The following NELL1 variants were observed in gnomAD, a reference collection of about 807,000 sequenced individuals.
NELL1 encodes protein kinase C-binding protein NELL1.
A neutral mutation model predicts 107.4 loss-of-function variants in NELL1; 76 were observed. The ratio of observed to expected loss-of-function variants is 0.71; its 90% confidence interval spans 0.59 to 0.86. The LOEUF is 0.86. Among genes scored for constraint, NELL1 ranks in the 40% least tolerant of loss-of-function variants. The probability of loss-of-function intolerance (pLI) is 0.00; values close to 1 mark genes in which losing one functional copy is unlikely to be tolerated. For missense variants in NELL1, 1,024 were observed against 1,005.5 expected, an observed-to-expected ratio of 1.02 and a Z score of -0.25; for synonymous variants, 353 against 341.2, an observed-to-expected ratio of 1.03 and a Z score of -0.38.
chr11:21,418,455 A>G (rs1399142322), intron 15 of NELL1, among the ~76,000 whole-genome samples: 1 of 152,096 alleles, frequency 6.6e-6, no homozygotes, highest in Non-Finnish European at 1.5e-5. Context: ...GGGATTAATT[A>G]AAATAAATAA....
Position 21,308,780 on chromosome 11 carries a change from T to C in NELL1, c.1550-62073T>C, listed in dbSNP as rs537794009. Among the ~76,000 whole-genome samples, 7 of 152,154 alleles carry C rather than the reference T, an allele frequency of 4.6e-5. No homozygotes were observed. The South Asian group carries it at 1.5e-3, about 32-fold the overall frequency. On this transcript the variant is annotated intron_variant, in intron 14 of 19. Coordinates refer to ENST00000357134, the MANE Select transcript of NELL1 (RefSeq NM_006157.5). Reference sequence around the variant, plus strand: ...GTGATAGGATCATAAGCCACTGACATTATTTCTAATTATACACATAGTAAA... The same window carrying C: ...GTGATAGGATCATAAGCCACTGACACTATTTCTAATTATACACATAGTAAA...
intron 2 of NELL1, among the ~76,000 whole-genome samples, chr11:20,725,523 C>G (rs1855489370): frequency 6.6e-6 from 1 of 152,162 alleles, no homozygotes; most frequent in African/African-American, 2.4e-5. Context: ...AGAGGGTGCT[C>G]TCTGGCTTGA....
chr11:21,422,093 A>G (rs12577335), intron 15 of NELL1, among the ~76,000 whole-genome samples: 1,029 of 90,758 alleles, frequency 0.011, 11 homozygotes, highest in African/African-American at 0.032. Context: ...ACATTTACAC[A>G]TATGTGTGTG....
At chr11:21,039,060 G>A (rs1853163256) in intron 12 of NELL1, among the ~76,000 whole-genome samples, 1 of 152,178 alleles carries the variant, frequency 6.6e-6, no homozygotes, top group Non-Finnish European at 1.5e-5. Flanking sequence ...GATCAAGGGG[G>A]TGATAAGGGG....
chr11:21,206,859 T>G (rs1293829229), intron 13 of NELL1, among the ~76,000 whole-genome samples: 1 of 152,216 alleles, frequency 6.6e-6, no homozygotes, highest in Non-Finnish European at 1.5e-5. Context: ...TTTCCTACCA[T>G]GTTTCATCTT....
chr11:21,001,649 G>C (rs1411795729), intron 12 of NELL1, among the ~76,000 whole-genome samples: 3 of 152,042 alleles, frequency 2.0e-5, no homozygotes, highest in African/African-American at 7.2e-5. Context: ...GAAAAATGAA[G>C]AGGAAAGAAA....
chr11:21,518,647 G>A (rs1016995240), intron 15 of NELL1, among the ~76,000 whole-genome samples: 12 of 152,280 alleles, frequency 7.9e-5, no homozygotes, highest in Middle Eastern at 3.4e-3. Context: ...GAAGTGAAAC[G>A]TAGTCCCTTT....
At chr11:20,757,018 TAGAG>T (rs1033031682) in intron 2 of NELL1, among the ~76,000 whole-genome samples, 14 of 152,152 alleles carry the variant, frequency 9.2e-5, no homozygotes, top group Admixed American at 7.9e-4. Context: ...GTGGTGGTGA[TAGAG>T]ATAGATGTTG....
intron 13 of NELL1, among the ~76,000 whole-genome samples, chr11:21,169,104 T>C (rs1856547827): frequency 6.6e-6 from 1 of 151,874 alleles, no homozygotes; most frequent in Admixed American, 6.6e-5. Flanking sequence ...TCATTCCAAA[T>C]ACTGTAAATT....
intron 13 of NELL1, among the ~76,000 whole-genome samples, chr11:21,187,354 T>C (rs535710930): frequency 6.6e-6 from 1 of 151,934 alleles, no homozygotes; most frequent in East Asian, 1.9e-4. Context: ...GTAATTAGAA[T>C]AGCTGGCTAG....
At chr11:21,043,274 T>A (rs1853280615) in intron 12 of NELL1, among the ~76,000 whole-genome samples, 1 of 152,080 alleles carries the variant, frequency 6.6e-6, no homozygotes, top group Non-Finnish European at 1.5e-5. Flanking sequence ...GTAAAGAGAT[T>A]GAAAAGCTCT....
At chr11:20,991,130 A>G (rs1851963061) in intron 12 of NELL1, among the ~76,000 whole-genome samples, 1 of 152,248 alleles carries the variant, frequency 6.6e-6, no homozygotes, top group Non-Finnish European at 1.5e-5. Flanking sequence ...GCCTAGAGCC[A>G]TGTGCCATCA....
intron 5 of NELL1, among the ~76,000 whole-genome samples, chr11:20,888,938 G>T (rs1021006931): frequency 6.6e-6 from 1 of 152,214 alleles, no homozygotes; most frequent in Non-Finnish European, 1.5e-5. Flanking sequence ...TATCGGAAGA[G>T]TGCAATCCCT....
intron 14 of NELL1, among the ~76,000 whole-genome samples, chr11:21,331,441 G>A (rs188950039): frequency 1.7e-3 from 265 of 152,142 alleles, no homozygotes; most frequent in African/African-American, 5.9e-3. Context: ...GTAAAGCAGT[G>A]TAAAGCCTCT....
chr11:20,811,304 A>G (rs892174963), intron 3 of NELL1, among the ~76,000 whole-genome samples: 2 of 151,990 alleles, frequency 1.3e-5, no homozygotes, highest in Non-Finnish European at 2.9e-5. Context: ...CCATTGTTGC[A>G]TGTCTGTTTT....
chr11:20,910,240 A>G (rs1218491813), intron 5 of NELL1, among the ~76,000 whole-genome samples: 1 of 152,178 alleles, frequency 6.6e-6, no homozygotes, highest in African/African-American at 2.4e-5. Flanking sequence ...AAGGTAGAGT[A>G]GATGTTCACA....
At chr11:21,219,130 G>A (rs572147505) in intron 13 of NELL1, among the ~76,000 whole-genome samples, 4 of 152,034 alleles carry the variant, frequency 2.6e-5, no homozygotes, top group South Asian at 2.1e-4. Context: ...CTCTCCGTCC[G>A]CACTGGCATC....
At chr11:21,285,388 G>C (rs921257460) in intron 14 of NELL1, among the ~76,000 whole-genome samples, 1 of 152,130 alleles carries the variant, frequency 6.6e-6, no homozygotes, top group Non-Finnish European at 1.5e-5. Context: ...TCTAGAGGTC[G>C]TTAATGAGTT....
chr11:21,390,029 T>A (rs1851832767), intron 15 of NELL1, among the ~76,000 whole-genome samples: 1 of 151,864 alleles, frequency 6.6e-6, no homozygotes. Context: ...TAACAATAAA[T>A]GAGAATTCCA....
Sources: allele counts gnomAD v4.1 joint callset (sites outside exome capture counted in the v4.1 genomes callset), GRCh38; gene constraint gnomAD v4.1.1; transcripts MANE v1.5; gene names NCBI Gene and HGNC (gene_info 2026-07-23, HGNC 2026-07-21).